The following ST8SIA6 variants were observed in gnomAD, a reference collection of about 807,000 sequenced individuals.
ST8SIA6 encodes the protein ST8 alpha-N-acetyl-neuraminide alpha-2,8-sialyltransferase 6.
In ST8SIA6, 39 loss-of-function variants were observed where a neutral mutation model predicts 33.6. The ratio of observed to expected loss-of-function variants is 1.16; its 90% CI spans 0.90 to 1.52. ST8SIA6 has a LOEUF of 1.52. Ranked by LOEUF, ST8SIA6 falls within the 40% of genes most tolerant of loss-of-function variation. The pLI is 0.00. For missense variants in ST8SIA6, 441 were observed against 443.8 expected (o/e 0.99, Z 0.06); for synonymous variants, 172 against 167.2 (o/e 1.03, Z -0.22).
intron 2 of ST8SIA6, among the ~76,000 whole-genome samples, chr10:17,436,058 T>G (rs1007392530): frequency 2.0e-5 from 3 of 152,344 alleles, no homozygotes; most frequent in African/African-American, 7.2e-5. Flanking sequence ...TGAGTTTTAC[T>G]TAGCAGCTGC....
chr10:17,417,441 C>T (rs758604198), intron 2 of ST8SIA6, among the ~76,000 whole-genome samples: 1 of 152,148 alleles, frequency 6.6e-6, no homozygotes, highest in Non-Finnish European at 1.5e-5. Context: ...GTTAGTGCTT[C>T]AGGTCTTAAC....
At chr10:17,410,275 ATAAAG>A (rs1265860462) in intron 2 of ST8SIA6, 1 of 152,252 alleles carries the variant, frequency 6.6e-6, no homozygotes, top group Non-Finnish European at 1.5e-5. Flanking sequence ...GTATGTCACA[ATAAAG>A]TATAAATAGC....
rs1850553854 is a variant in ST8SIA6 at position 17,390,551 on chromosome 10, A to G, written c.270T>C (p.Ser90=). ...CTTACCCTTTCGTTTTGTTAGAGAA[A>G]GACTCAATGCCATATTGCAGATTTT... ...KCKNLQYGIE[S]FSNKTKGYSE... Residue 90 remains serine (S), a synonymous_variant, in exon 3 of 8, where the codon TCT becomes TCC. Transcript: ENST00000377602. 2 of 1,613,792 alleles carry G rather than the reference A, an allele frequency of 1.2e-6. No homozygotes were observed. Among genetic ancestry groups the G allele is most frequent in the Admixed American group, 1.7e-5 (1 of 59,970 alleles).
At chr10:17,390,703 G>T in intron 2 of ST8SIA6, 83 bp from the exon 3 acceptor site, 3 of 1,091,048 alleles carry the variant, frequency 2.7e-6, no homozygotes, top group Admixed American at 2.1e-5. Context: ...AGATTTAATT[G>T]ATAAAGTGTG....
chr10:17,322,241 A>C (rs1847983671), intron 7 of ST8SIA6, among the ~76,000 whole-genome samples: 1 of 78,418 alleles, frequency 1.3e-5, no homozygotes, highest in East Asian at 2.0e-4. Flanking sequence ...AAAAAGAAAG[A>C]GAAAAAGAAA....
Position 17,320,703 on chromosome 10 carries a change from G to A in ST8SIA6, c.*175C>T. The A allele has an allele frequency of 3.2e-6, 2 of 617,138 alleles. No individual in the cohort carries two copies. Among genetic ancestry groups the A allele is most frequent in the South Asian group, 4.1e-5 (2 of 48,488 alleles). The allele number at this position is 617,138 out of a possible 1,614,324, so 38.2% of individuals were successfully genotyped here. On this transcript the variant is annotated 3_prime_UTR_variant, in exon 8 of 8. Coordinates refer to ENST00000377602, the MANE Select transcript of ST8SIA6 (RefSeq NM_001004470.3). ...CCATGTTATAAGGAGAAAAAATGAA[G>A]ATGAGAAGGATTGAATGACTTGCCA...
At chr10:17,450,934 T>C (rs1852888859) in intron 2 of ST8SIA6, among the ~76,000 whole-genome samples, 1 of 152,150 alleles carries the variant, frequency 6.6e-6, no homozygotes, top group African/African-American at 2.4e-5. Context: ...CCAGCACCTA[T>C]GGCAGGCAAC....
At chr10:17,357,292 ATTT>A (rs113412171) in intron 4 of ST8SIA6, among the ~76,000 whole-genome samples, 31,356 of 143,788 alleles carry the variant, frequency 0.22, 3,477 homozygotes, top group African/African-American at 0.3. Flanking sequence ...CGCCTGGCTA[ATTT>A]TTTTTTTTTT....
At chr10:17,358,781 A>G (rs1849288558) in intron 4 of ST8SIA6, among the ~76,000 whole-genome samples, 1 of 151,680 alleles carries the variant, frequency 6.6e-6, no homozygotes, top group Non-Finnish European at 1.5e-5. Flanking sequence ...GGAGAAGATG[A>G]TGAGGAAGAA....
chr10:17,370,654 A>T (rs1405331920), intron 3 of ST8SIA6, among the ~76,000 whole-genome samples: 1 of 152,138 alleles, frequency 6.6e-6, no homozygotes, highest in Non-Finnish European at 1.5e-5. Context: ...TATTAGGCCT[A>T]TTAATGTTAC....
At chr10:17,435,334 A>G (rs1346485930) in intron 2 of ST8SIA6, among the ~76,000 whole-genome samples, 1 of 152,082 alleles carries the variant, frequency 6.6e-6, no homozygotes, top group Non-Finnish European at 1.5e-5. Context: ...TCCATTTCCT[A>G]TGAGACACAC....
chr10:17,385,493 T>G (rs537980499), intron 3 of ST8SIA6, among the ~76,000 whole-genome samples: 31 of 151,180 alleles, frequency 2.1e-4, no homozygotes, highest in African/African-American at 7.5e-4. Flanking sequence ...CAAAGGGAGA[T>G]AGGGGTGGGG....
chr10:17,339,114 C>CT (rs397762102), intron 4 of ST8SIA6, among the ~76,000 whole-genome samples: 82,222 of 149,754 alleles, frequency 0.55, 22,899 homozygotes, highest in African/African-American at 0.67. Flanking sequence ...GTAAAAATTC[C>CT]TTTTTTTTTT....
chr10:17,320,741 G>T lies in ST8SIA6; in HGVS notation c.*137C>A. The T allele has an allele frequency of 1.3e-6, 1 of 741,706 alleles. No individual in the cohort carries two copies. The highest frequency in any genetic ancestry group is 2.2e-6 in the Non-Finnish European group (1 of 454,702). 45.9% of individuals were successfully genotyped at this position (741,706 alleles called of 1,614,324 possible). A position where few individuals can be genotyped will look rare whatever the true frequency, so the allele number is the denominator to read the frequency against. On this transcript the variant is annotated 3_prime_UTR_variant, in exon 8 of 8. Coordinates refer to ENST00000377602, the MANE Select transcript of ST8SIA6 (RefSeq NM_001004470.3). ...GAATGACTTGCCATCATTGCAAAAT[G>T]AGTGGGGAAGCTTTGGTCAAACCAA...
chr10:17,352,471 T>C (rs1379159332), intron 4 of ST8SIA6, among the ~76,000 whole-genome samples: 12 of 152,276 alleles, frequency 7.9e-5, no homozygotes, highest in Admixed American at 3.3e-4. Context: ...TACTTTGATA[T>C]TGTACCAGTG....
intron 2 of ST8SIA6, among the ~76,000 whole-genome samples, chr10:17,425,379 A>G (rs1039830353): frequency 6.6e-5 from 10 of 151,760 alleles, no homozygotes; most frequent in African/African-American, 2.4e-4. Flanking sequence ...GACCAGCCTG[A>G]CCAACGTGAT....
rs1847754140 is a variant in ST8SIA6, at chr10:17,315,793, A to G, written c.*5085T>C. 2.0e-5 allele frequency among the ~76,000 whole-genome samples: 3 copies of G among 152,058 alleles called. No individual in the cohort carries two copies. The South Asian group carries it at 6.2e-4, about 31-fold the overall frequency. ...GGATTACAAAGTAGCACAAGAAAAC[A>G]TTTTGGGGTAATGAATATATACATT... On this transcript the variant is annotated 3_prime_UTR_variant, in exon 8 of 8. Transcript: ENST00000377602.
intron 7 of ST8SIA6, 21 bp downstream of exon 7, chr10:17,323,044 A>G (rs773721207): frequency 6.3e-7 from 1 of 1,595,090 alleles, no homozygotes; most frequent in South Asian, 1.1e-5. Context: ...CTGATCAGTT[A>G]TGTAACTTGC....
Position 17,331,445 on chromosome 10 carries a change from AT to A in ST8SIA6, c.484del (p.Ile162SerfsTer34). On this transcript the variant is annotated frameshift_variant, in exon 5 of 8. Coordinates refer to ENST00000377602, the MANE Select transcript of ST8SIA6 (RefSeq NM_001004470.3). LOFTEE classifies it high-confidence loss of function. The part of the protein sequence containing the change: ...MSYEVESKKE[I>X]PIKKNIFHMF... ...ATGAAAAATGTTCTTCTTAATTGGG[AT>A]TTCTTTTTTGCTTTCCACCTCGTAA... 6.2e-7 allele frequency: 1 copy of A among 1,613,520 alleles called. No homozygotes were observed. The highest frequency in any genetic ancestry group is 8.5e-7 in the Non-Finnish European group (1 of 1,179,780).
Sources: allele counts gnomAD v4.1 joint callset (sites outside exome capture counted in the v4.1 genomes callset), GRCh38; gene constraint gnomAD v4.1.1; transcripts MANE v1.5; gene names NCBI Gene and HGNC (gene_info 2026-07-23, HGNC 2026-07-21).